NCKAP1: variants seen among roughly 807,000 people sequenced by gnomAD.
The protein encoded by NCKAP1 is NCK associated protein 1.
A neutral mutation model predicts 151.2 loss-of-function variants in NCKAP1; 21 were observed. The ratio of observed to expected loss-of-function variants is 0.14; its 90% CI spans 0.10 to 0.20. NCKAP1 has a LOEUF of 0.20. NCKAP1 is among the 10% of genes least tolerant of loss of function. The pLI, the probability that NCKAP1 is intolerant of heterozygous loss-of-function variation, is 1.00. For synonymous variants in NCKAP1, 484 were observed against 451.8 expected (o/e 1.07, Z -0.90); for missense variants, 933 against 1,352.1 (o/e 0.69, Z 4.86).
intron 26 of NCKAP1, among the ~76,000 whole-genome samples, chr2:182,933,872 T>G (rs560453387): frequency 4.6e-5 from 7 of 152,306 alleles, no homozygotes; most frequent in African/African-American, 1.7e-4. Flanking sequence ...ATATATCACT[T>G]ACTAGATGTA....
intron 8 of NCKAP1, among the ~76,000 whole-genome samples, chr2:182,990,299 A>C (rs1467174084): frequency 6.6e-6 from 1 of 151,958 alleles, no homozygotes; most frequent in Non-Finnish European, 1.5e-5. Context: ...CATTCTCCCC[A>C]AGAACTGGGA....
chr2:182,947,911 T>C (rs1198062192), intron 23 of NCKAP1, among the ~76,000 whole-genome samples: 1 of 152,152 alleles, frequency 6.6e-6, no homozygotes, highest in Non-Finnish European at 1.5e-5. Context: ...TATGCCTCAG[T>C]ACACAGAGGC....
chr2:182,952,343 A>G, intron 23 of NCKAP1, 62 bp downstream of exon 23: 1 of 1,056,476 alleles, frequency 9.5e-7, no homozygotes, highest in Non-Finnish European at 1.4e-6. Context: ...TGTTGCTCAT[A>G]TCCCTGAAAT....
intron 10 of NCKAP1, 76 bp from the exon 11 acceptor site, chr2:182,983,458 T>C: frequency 3.9e-6 from 4 of 1,026,874 alleles, no homozygotes; most frequent in Non-Finnish European, 5.9e-6. Context: ...ACTAGCATTA[T>C]AGGTGCAACT....
Position 182,910,413 on chromosome 2 carries a change from A to C in NCKAP1, c.*15289T>G, listed in dbSNP as rs934795829. The C allele has an allele frequency of 6.6e-6, 1 of 152,226 alleles. No individual in the cohort carries two copies. The highest frequency in any genetic ancestry group is 2.4e-5 in the African/African-American group (1 of 41,454). The allele number at this position is 152,226 out of a possible 1,614,324, so 9.4% of individuals were successfully genotyped here. On this transcript the variant is annotated 3_prime_UTR_variant, in exon 31 of 31. Coordinates refer to ENST00000361354, the MANE Select transcript of NCKAP1 (RefSeq NM_013436.5). ...ACATGTGGGGAAAACAGTGATTATA[A>C]ATTGGGCATGGATGTTAATGTATAC...
intron 23 of NCKAP1, among the ~76,000 whole-genome samples, chr2:182,944,562 G>A (rs116753849): frequency 6.6e-6 from 1 of 152,170 alleles, no homozygotes; most frequent in African/African-American, 2.4e-5. Context: ...GAATAAACAT[G>A]TTTCACCATA....
At chr2:183,036,189 A>G (rs1420047325) in intron 1 of NCKAP1, among the ~76,000 whole-genome samples, 2 of 152,198 alleles carry the variant, frequency 1.3e-5, no homozygotes, top group East Asian at 3.8e-4. Context: ...AAATGCCCAG[A>G]ATTTCATTTA....
intron 15 of NCKAP1, among the ~76,000 whole-genome samples, chr2:182,967,929 A>T (rs562886980): frequency 6.6e-6 from 1 of 152,194 alleles, no homozygotes; most frequent in Non-Finnish European, 1.5e-5. Flanking sequence ...AAAATTCTAC[A>T]ACTGGGATAC....
intron 10 of NCKAP1, among the ~76,000 whole-genome samples, chr2:182,985,091 T>C (rs1698024717): frequency 6.6e-6 from 1 of 152,148 alleles, no homozygotes; most frequent in African/African-American, 2.4e-5. Context: ...TTTTGAAAAA[T>C]TAAGCACATG....
intron 26 of NCKAP1, chr2:182,934,502 G>GAA: frequency 4.3e-6 from 1 of 232,022 alleles, no homozygotes; most frequent in Non-Finnish European, 8.2e-6. Context: ...TCCATTTAAG[G>GAA]AAAAAAAAAA....
rs1196401281 is a variant in NCKAP1, at chr2:182,923,667, C to A, written c.*2035G>T. 1 of 151,828 alleles carries A rather than the reference C, an allele frequency of 6.6e-6. No individual in the cohort carries two copies. Among genetic ancestry groups the A allele is most frequent in the Admixed American group, 6.6e-5 (1 of 15,236 alleles). The allele number at this position is 151,828 out of a possible 1,614,324, so 9.4% of individuals were successfully genotyped here. On this transcript the variant is annotated 3_prime_UTR_variant, in exon 31 of 31. Coordinates refer to ENST00000361354, the MANE Select transcript of NCKAP1 (RefSeq NM_013436.5). The stretch of plus-strand genomic sequence containing the variant: ...TGAGTGAAATAAGCAGATTACAGGC[C>A]AGTATGTATGGTATGATCACATTAA...
intron 24 of NCKAP1, chr2:182,935,579 T>C (rs1347726053): frequency 1.5e-5 from 6 of 389,408 alleles, no homozygotes; most frequent in South Asian, 6.2e-5. Context: ...TTTAAGTAAC[T>C]ATAGTTTCCA....
intron 24 of NCKAP1, among the ~76,000 whole-genome samples, chr2:182,941,339 C>G (rs747026385): frequency 7.9e-5 from 12 of 152,132 alleles, no homozygotes; most frequent in Non-Finnish European, 1.3e-4. Context: ...CACAAAGAAT[C>G]AATGTCAAGA....
intron 9 of NCKAP1, 49 bp downstream of exon 9, chr2:182,988,981 C>T: frequency 1.3e-6 from 2 of 1,526,382 alleles, no homozygotes; most frequent in Non-Finnish European, 1.8e-6. Context: ...AAAGATAACT[C>T]ACTCACCACC....
chr2:182,978,964 C>T (rs1318753335), intron 13 of NCKAP1, 49 bp from the exon 14 acceptor site: 2 of 1,289,600 alleles, frequency 1.6e-6, no homozygotes, highest in Middle Eastern at 3.8e-4. Flanking sequence ...AGTTGGGAAA[C>T]AACTCAGGTC....
intron 15 of NCKAP1, among the ~76,000 whole-genome samples, chr2:182,976,340 G>C (rs1408864590): frequency 2.6e-5 from 4 of 152,180 alleles, no homozygotes; most frequent in Non-Finnish European, 5.9e-5. Flanking sequence ...GAAAATGGAA[G>C]TTTTTTGTAC....
chr2:182,981,135 T>C lies in NCKAP1; in HGVS notation c.1341+109A>G, dbSNP rs1697928260. On this transcript the variant is annotated intron_variant, in intron 13 of 30. Transcript: ENST00000361354. The stretch of plus-strand genomic sequence containing the variant: ...TGATCTCCAAAATATAAACATGATT[T>C]ATCACTTGGCACATGATATTTCATA... 5.9e-6 allele frequency: 8 copies of C among 1,355,940 alleles called. No homozygotes were observed. In the South Asian group the frequency reaches 9.9e-5, roughly 17 times the overall value. The allele number at this position is 1,355,940 out of a possible 1,614,324, so 84.0% of individuals were successfully genotyped here.
At chr2:183,019,849 C>T (rs900643987) in intron 2 of NCKAP1, among the ~76,000 whole-genome samples, 6 of 152,098 alleles carry the variant, frequency 3.9e-5, no homozygotes, top group African/African-American at 1.4e-4. Context: ...TTTCCCTAAA[C>T]CCAGAATCGG....
In NCKAP1 at chr2:182,916,729, T is replaced by C. The variant is rs1042459668; in HGVS notation, c.*8973A>G. 3 of 152,218 alleles carry C rather than the reference T, an allele frequency of 2.0e-5. No homozygotes were observed. The highest frequency in any genetic ancestry group is 4.4e-5 in the Non-Finnish European group (3 of 68,038). The allele number at this position is 152,218 out of a possible 1,614,324, so 9.4% of individuals were successfully genotyped here. The stretch of plus-strand genomic sequence containing the variant: ...GTCGCAATTGTTCTGGATACTGCAA[T>C]AACATTTGAAAATACAAGCTTTACA... On this transcript the variant is annotated 3_prime_UTR_variant, in exon 31 of 31. Transcript: ENST00000361354.
Sources: allele counts gnomAD v4.1 joint callset (sites outside exome capture counted in the v4.1 genomes callset), GRCh38; gene constraint gnomAD v4.1.1; transcripts MANE v1.5; gene names NCBI Gene and HGNC (gene_info 2026-07-23, HGNC 2026-07-21).